PRKN: variants seen among roughly 807,000 people sequenced by gnomAD.
PRKN encodes the protein E3 ubiquitin-protein ligase parkin.
PRKN carries 56 observed loss-of-function variants against 59.5 expected under a neutral mutation model. That is an observed-to-expected ratio of 0.94 (90% CI 0.76 to 1.18). The LOEUF is 1.18. PRKN is among the 50% of genes most tolerant of loss of function. PRKN has a pLI of 0.00. For missense variants in PRKN, 657 were observed against 596.4 expected, an observed-to-expected ratio of 1.10 and a Z score of -1.06; for synonymous variants, 250 against 222.1, an observed-to-expected ratio of 1.13 and a Z score of -1.12.
intron 7 of PRKN, among the ~76,000 whole-genome samples, chr6:161,719,806 A>G (rs568235713): frequency 2.0e-5 from 3 of 152,284 alleles, no homozygotes; most frequent in South Asian, 4.1e-4. Flanking sequence ...TGTTTTTTAA[A>G]TATTTTGTAG....
At chr6:161,596,561 G>T (rs1280799962) in intron 7 of PRKN, among the ~76,000 whole-genome samples, 1 of 151,822 alleles carries the variant, frequency 6.6e-6, no homozygotes, top group Non-Finnish European at 1.5e-5. Context: ...TGTCTGCCTT[G>T]CCTTTCACCC....
At chr6:161,724,787 T>C (rs56158692) in intron 7 of PRKN, among the ~76,000 whole-genome samples, 1 of 152,268 alleles carries the variant, frequency 6.6e-6, no homozygotes, top group African/African-American at 2.4e-5. Context: ...TAACTAAAGT[T>C]TAATTGTGGG....
At chr6:162,152,061 A>G (rs1782295584) in intron 4 of PRKN, among the ~76,000 whole-genome samples, 1 of 152,216 alleles carries the variant, frequency 6.6e-6, no homozygotes, top group Admixed American at 6.5e-5. Flanking sequence ...TTCTAATAAC[A>G]AAGGTCACTT....
At chr6:162,693,105 A>C (rs1269416617) in intron 1 of PRKN, among the ~76,000 whole-genome samples, 2 of 152,252 alleles carry the variant, frequency 1.3e-5, no homozygotes, top group African/African-American at 4.8e-5. Context: ...ATAAACATTA[A>C]ATAAAAGAGA....
intron 1 of PRKN, among the ~76,000 whole-genome samples, chr6:162,580,446 A>G (rs572391833): frequency 1.6e-5 from 2 of 122,770 alleles, no homozygotes; most frequent in African/African-American, 5.5e-5. Flanking sequence ...CTCAGAAAAA[A>G]AAAAAAAAAA....
chr6:161,578,487 T>C lies in PRKN; in HGVS notation c.872-9071A>G, dbSNP rs1781218666. ...GCTCTTGTATAAGACAACAGTTTCC[T>C]TATGAAGGCTTCCTTAGGACTTTGT... On this transcript the variant is annotated intron_variant, in intron 7 of 11. Transcript: ENST00000366898. This position sits in a 1 kb window ranked among gnomAD's most constrained non-coding sequence, Gnocchi z 4.2. Among the ~76,000 whole-genome samples the C allele has an allele frequency of 6.6e-6, 1 of 152,242 alleles. No homozygotes were observed. Among genetic ancestry groups the C allele is most frequent in the Admixed American group, 6.5e-5 (1 of 15,284 alleles).
At chr6:161,916,406 A>G (rs1017378723) in intron 6 of PRKN, among the ~76,000 whole-genome samples, 2 of 152,254 alleles carry the variant, frequency 1.3e-5, no homozygotes, top group African/African-American at 4.8e-5. Context: ...ATCATAGGCC[A>G]AATGAAAAGC....
At chr6:162,569,845 G>A (rs1314351701) in intron 1 of PRKN, 6 of 391,132 alleles carry the variant, frequency 1.5e-5, no homozygotes, top group Non-Finnish European at 2.9e-5. Flanking sequence ...CTCAGCCCTA[G>A]CCCTCAGCCC....
intron 9 of PRKN, among the ~76,000 whole-genome samples, chr6:161,504,090 A>G (rs1452163659): frequency 6.6e-6 from 1 of 152,236 alleles, no homozygotes; most frequent in Non-Finnish European, 1.5e-5. Context: ...ATGGGTATAG[A>G]GACAGAAGAT....
At chr6:162,581,993 C>A (rs888302533) in intron 1 of PRKN, among the ~76,000 whole-genome samples, 1 of 152,082 alleles carries the variant, frequency 6.6e-6, no homozygotes, top group Non-Finnish European at 1.5e-5. Flanking sequence ...GCTATAAAAG[C>A]CAAAAATTTA....
chr6:161,978,813 C>A (rs917525226), intron 5 of PRKN, among the ~76,000 whole-genome samples: 1 of 152,160 alleles, frequency 6.6e-6, no homozygotes, highest in Admixed American at 6.5e-5. Flanking sequence ...TGAGTTCTAG[C>A]GTGTGCAGGG....
At chr6:162,161,028 T>C (rs1448715861) in intron 4 of PRKN, among the ~76,000 whole-genome samples, 1 of 151,952 alleles carries the variant, frequency 6.6e-6, no homozygotes, top group African/African-American at 2.4e-5. Context: ...TAGGCAAGGA[T>C]GGCTCTGGAC....
Position 161,998,325 on chromosome 6 carries a change from C to T in PRKN, c.619-24908G>A, listed in dbSNP as rs118173152. On this transcript the variant is annotated intron_variant, in intron 5 of 11. Coordinates refer to ENST00000366898, the MANE Select transcript of PRKN (RefSeq NM_004562.3). Reference sequence around the variant, plus strand: ...TCGTGCTATGATGGTTGCCAAGAAACGCTTCATTTCTCAGTAAATCATAGT... The same window carrying T: ...TCGTGCTATGATGGTTGCCAAGAAATGCTTCATTTCTCAGTAAATCATAGT... Among the ~76,000 whole-genome samples, 116 of 152,154 alleles carry T rather than the reference C, an allele frequency of 7.6e-4. 1 individual carries two copies. In the East Asian group the frequency reaches 0.02, roughly 26 times the overall value.
intron 7 of PRKN, among the ~76,000 whole-genome samples, chr6:161,689,869 C>G (rs369907285): frequency 6.6e-6 from 1 of 152,018 alleles, no homozygotes; most frequent in African/African-American, 2.4e-5. Flanking sequence ...TGCCACCACA[C>G]CTGGCTAATT....
intron 6 of PRKN, among the ~76,000 whole-genome samples, chr6:161,905,362 TAA>T (rs1778101516): frequency 6.6e-6 from 1 of 152,242 alleles, no homozygotes; most frequent in African/African-American, 2.4e-5. Flanking sequence ...ATCAAACGAA[TAA>T]TTATTCCTTA....
chr6:162,176,762 A>G (rs1035788566), intron 4 of PRKN, among the ~76,000 whole-genome samples: 2 of 152,182 alleles, frequency 1.3e-5, no homozygotes, highest in Admixed American at 1.3e-4. Context: ...CGACTCCCAC[A>G]GTAGAGAAAA....
At chr6:161,532,929 T>A (rs1369590195) in intron 9 of PRKN, among the ~76,000 whole-genome samples, 1 of 152,216 alleles carries the variant, frequency 6.6e-6, no homozygotes, top group Non-Finnish European at 1.5e-5. Flanking sequence ...TACAATTATA[T>A]GTATGTTGGA....
intron 6 of PRKN, among the ~76,000 whole-genome samples, chr6:161,836,416 T>G (rs1397956222): frequency 1.3e-5 from 2 of 152,204 alleles, no homozygotes; most frequent in East Asian, 3.9e-4. Context: ...AATTCCAGCC[T>G]GAGTGGCCTC....
rs542886720 is a variant in PRKN at position 161,582,106 on chromosome 6, A to G, written c.872-12690T>C. Among the ~76,000 whole-genome samples, 43 of 152,284 alleles carry G rather than the reference A, an allele frequency of 2.8e-4. No individual in the cohort carries two copies. The highest frequency in any genetic ancestry group is 5.7e-4 in the Non-Finnish European group (39 of 68,022). ...GAATTTGGAATCATTGCTTTCATCT[A>G]CTGGTTTTTACCAAAGTGTAAAGTG... On this transcript the variant is annotated intron_variant, in intron 7 of 11. Coordinates refer to ENST00000366898, the MANE Select transcript of PRKN (RefSeq NM_004562.3). The surrounding 1 kb of genome is among the most constrained non-coding windows in gnomAD (Gnocchi z 4.4).
Sources: gnomAD v4.1 joint callset for allele counts (sites outside exome capture counted in the v4.1 genomes callset) on GRCh38, gnomAD v4.1.1 for gene constraint, Gnocchi (gnomAD v3.1) non-coding constraint, MANE v1.5 for transcripts, NCBI Gene and HGNC (gene_info 2026-07-23, HGNC 2026-07-21) for gene names.